Variants in PRKG1 observed in about 807,000 individuals in gnomAD.
PRKG1 encodes the protein protein kinase cGMP-dependent 1.
PRKG1 carries 35 observed loss-of-function variants against 88.1 expected under a neutral mutation model. The ratio of observed to expected loss-of-function variants is 0.40; its 90% CI spans 0.30 to 0.53. The LOEUF (loss-of-function observed/expected upper bound fraction) is 0.53, where lower values mean the gene tolerates loss of function less well. Ranked by LOEUF, PRKG1 falls within the 20% of genes least tolerant of loss-of-function variation. PRKG1 has a pLI of 0.59. For missense variants in PRKG1, 540 were observed against 839.8 expected, an observed-to-expected ratio of 0.64 and a Z score of 4.41; for synonymous variants, 303 against 292.5, an observed-to-expected ratio of 1.04 and a Z score of -0.37.
chr10:52,171,714 CT>C (rs113164329), intron 9 of PRKG1, among the ~76,000 whole-genome samples: 11,967 of 68,282 alleles, frequency 0.18, 1,622 homozygotes, highest in African/African-American at 0.47. Flanking sequence ...GATTCAGTTG[CT>C]TTTTTAAAAA....
At chr10:51,602,732 ATGTGTGTGTG>A (rs4041278) in intron 3 of PRKG1, among the ~76,000 whole-genome samples, 37,308 of 128,878 alleles carry the variant, frequency 0.29, 6,554 homozygotes, top group East Asian at 0.76. Context: ...ATTAATATAT[ATGTGTGTGTG>A]TGTGTGTGTG....
chr10:51,808,574 G>T (rs1214487171), intron 4 of PRKG1, among the ~76,000 whole-genome samples: 1 of 152,148 alleles, frequency 6.6e-6, no homozygotes, highest in Non-Finnish European at 1.5e-5. Context: ...CTGCCCTCCA[G>T]TCTGGGCAAC....
intron 13 of PRKG1, among the ~76,000 whole-genome samples, chr10:52,281,656 C>T (rs901223914): frequency 2.6e-5 from 4 of 152,096 alleles, no homozygotes; most frequent in Non-Finnish European, 5.9e-5. Context: ...TTTATGCTTA[C>T]TAAGGGCAGA....
intron 2 of PRKG1, among the ~76,000 whole-genome samples, chr10:51,388,774 T>C (rs1837319433): frequency 6.6e-6 from 1 of 152,212 alleles, no homozygotes. Flanking sequence ...AATAATGTAG[T>C]TGACTCTGTA....
At chr10:51,954,647 G>C (rs1275703844) in intron 5 of PRKG1, among the ~76,000 whole-genome samples, 2 of 152,266 alleles carry the variant, frequency 1.3e-5, no homozygotes, top group East Asian at 3.9e-4. Flanking sequence ...CTCAGAACTT[G>C]ATTTCAGGAG....
At chr10:51,960,574 C>T (rs1447103136) in intron 5 of PRKG1, among the ~76,000 whole-genome samples, 1 of 150,724 alleles carries the variant, frequency 6.6e-6, no homozygotes, top group Non-Finnish European at 1.5e-5. Flanking sequence ...GATTCTATAT[C>T]GTTACCCACA....
chr10:51,221,750 T>A (rs1185515646), intron 2 of PRKG1, among the ~76,000 whole-genome samples: 2 of 151,778 alleles, frequency 1.3e-5, no homozygotes, highest in Non-Finnish European at 2.9e-5. Context: ...AAGATAACAA[T>A]GAAAGGTAGT....
At chr10:51,668,596 C>T (rs1036648933) in intron 3 of PRKG1, among the ~76,000 whole-genome samples, 7 of 151,938 alleles carry the variant, frequency 4.6e-5, no homozygotes, top group Admixed American at 3.9e-4. Context: ...GAGGGTTAAA[C>T]ATGAAAATAC....
intron 5 of PRKG1, among the ~76,000 whole-genome samples, chr10:52,033,272 A>G (rs866060583): frequency 3.3e-5 from 5 of 152,214 alleles, no homozygotes; most frequent in African/African-American, 1.2e-4. Flanking sequence ...AGTTAAAGCC[A>G]AAAGAAGTGG....
At chr10:51,990,249 T>C (rs140835726) in intron 5 of PRKG1, among the ~76,000 whole-genome samples, 3 of 152,280 alleles carry the variant, frequency 2.0e-5, no homozygotes, top group East Asian at 3.9e-4. Flanking sequence ...CAGTATAATT[T>C]AAGGTCAGGT....
At chr10:51,148,246 A>G in intron 1 of PRKG1, 1 of 985,334 alleles carries the variant, frequency 1.0e-6, no homozygotes, top group Non-Finnish European at 1.2e-6. Flanking sequence ...AAATGGATAG[A>G]CAATACTGTA....
chr10:52,016,588 C>T (rs915122255), intron 5 of PRKG1, among the ~76,000 whole-genome samples: 25 of 152,126 alleles, frequency 1.6e-4, no homozygotes, highest in African/African-American at 5.8e-4. Context: ...ATTGGGGAAA[C>T]AGCTGCTTTA....
At chr10:51,782,824 C>T (rs777167328) in intron 3 of PRKG1, among the ~76,000 whole-genome samples, 1 of 152,112 alleles carries the variant, frequency 6.6e-6, no homozygotes, top group Non-Finnish European at 1.5e-5. Flanking sequence ...TGGGCCTTCC[C>T]CAGCCATATG....
intron 2 of PRKG1, chr10:51,320,443 G>A (rs1323293200): frequency 7.1e-6 from 1 of 140,248 alleles, no homozygotes; most frequent in Non-Finnish European, 1.7e-5. Context: ...ATATTTAACT[G>A]GTCAGAAGAA....
chr10:51,695,519 A>C (rs1489095038), intron 3 of PRKG1: 2 of 152,236 alleles, frequency 1.3e-5, no homozygotes, highest in African/African-American at 4.8e-5. Context: ...TTCTGCATGA[A>C]ACAATGCAGA....
intron 1 of PRKG1, among the ~76,000 whole-genome samples, chr10:51,088,826 T>G (rs1844325188): frequency 6.8e-6 from 1 of 147,710 alleles, no homozygotes; most frequent in Admixed American, 6.7e-5. Context: ...TTTTTTTTTT[T>G]GTCAAATGAA....
chr10:51,093,713 A>C (rs1189727445), intron 1 of PRKG1, among the ~76,000 whole-genome samples: 1 of 143,878 alleles, frequency 7.0e-6, no homozygotes, highest in Non-Finnish European at 1.5e-5. Flanking sequence ...ACTATATATA[A>C]ATACATGTGT....
At chr10:51,359,926 G>A (rs1335761748) in intron 2 of PRKG1, among the ~76,000 whole-genome samples, 1 of 151,922 alleles carries the variant, frequency 6.6e-6, no homozygotes, top group Admixed American at 6.6e-5. Flanking sequence ...AAGATACAGA[G>A]TAAACTCTAA....
intron 2 of PRKG1, among the ~76,000 whole-genome samples, chr10:51,206,133 C>T (rs1439444124): frequency 6.6e-6 from 1 of 152,124 alleles, no homozygotes; most frequent in Admixed American, 6.5e-5. Context: ...AGCTTACATG[C>T]TTACTTTGTA....
Sources: gnomAD v4.1 joint callset for allele counts (sites outside exome capture counted in the v4.1 genomes callset) on GRCh38, gnomAD v4.1.1 for gene constraint, MANE v1.5 for transcripts, NCBI Gene and HGNC (gene_info 2026-07-23, HGNC 2026-07-21) for gene names.